TCERG1L: variants seen among roughly 807,000 people sequenced by gnomAD.
TCERG1L encodes the protein transcription elongation regulator 1-like protein.
TCERG1L carries 37 observed loss-of-function variants against 56.3 expected under a neutral mutation model. That is an observed-to-expected ratio of 0.66 (90% confidence interval 0.51 to 0.87). The LOEUF is 0.87. Ranked by LOEUF, TCERG1L falls within the 40% of genes least tolerant of loss-of-function variation. The pLI is 0.00. For missense variants in TCERG1L, 799 were observed against 774.2 expected (o/e 1.03, Z -0.38); for synonymous variants, 324 against 326.3 (o/e 0.99, Z 0.08).
chr10:131,198,302 G>T (rs143610882), intron 4 of TCERG1L, among the ~76,000 whole-genome samples: 1 of 152,224 alleles, frequency 6.6e-6, no homozygotes, highest in Non-Finnish European at 1.5e-5. Flanking sequence ...AACTTGGGAG[G>T]AATTTCCCAG....
At chr10:131,096,347 G>C (rs555251542) in intron 11 of TCERG1L, among the ~76,000 whole-genome samples, 1 of 152,214 alleles carries the variant, frequency 6.6e-6, no homozygotes. Flanking sequence ...GCATTCTCAT[G>C]ACTGCTTTAA....
intron 4 of TCERG1L, among the ~76,000 whole-genome samples, chr10:131,179,600 T>C (rs1053078099): frequency 3.9e-5 from 6 of 152,240 alleles, no homozygotes; most frequent in Admixed American, 3.3e-4. Context: ...CACAAAGCCA[T>C]TCCTACTGAC....
chr10:131,299,004 T>C (rs1016287295), intron 3 of TCERG1L, among the ~76,000 whole-genome samples: 2 of 152,218 alleles, frequency 1.3e-5, no homozygotes, highest in South Asian at 2.1e-4. Flanking sequence ...GTGTTTTCAA[T>C]TGTGAATTTC....
intron 4 of TCERG1L, among the ~76,000 whole-genome samples, chr10:131,210,889 C>T (rs1442778615): frequency 6.6e-6 from 1 of 152,230 alleles, no homozygotes; most frequent in Admixed American, 6.5e-5. Context: ...TGGCAAGCCA[C>T]CGAAACAGCA....
chr10:131,185,857 T>C (rs188175826), intron 4 of TCERG1L, among the ~76,000 whole-genome samples: 1 of 152,294 alleles, frequency 6.6e-6, no homozygotes, highest in East Asian at 1.9e-4. Context: ...CACTCCTAGA[T>C]CTATACCCAA....
intron 4 of TCERG1L, among the ~76,000 whole-genome samples, chr10:131,248,847 G>A (rs1433970097): frequency 2.0e-5 from 3 of 152,166 alleles, no homozygotes; most frequent in Non-Finnish European, 4.4e-5. Flanking sequence ...CCCCCCAACC[G>A]GTGCTCGCAT....
At chr10:131,238,957 T>TCCTGCCTC (rs551184802) in intron 4 of TCERG1L, among the ~76,000 whole-genome samples, 3 of 152,198 alleles carry the variant, frequency 2.0e-5, no homozygotes, top group African/African-American at 7.2e-5. Flanking sequence ...CCTGCTGCTC[T>TCCTGCCTC]CCTGCCTCCC....
chr10:131,201,059 T>G (rs548045399), intron 4 of TCERG1L, among the ~76,000 whole-genome samples: 42 of 152,292 alleles, frequency 2.8e-4, no homozygotes, highest in Non-Finnish European at 5.3e-4. Context: ...TCTCATGACC[T>G]GTTAAAGGCC....
At chr10:131,151,313 C>G (rs1162441752) in intron 6 of TCERG1L, among the ~76,000 whole-genome samples, 1 of 152,164 alleles carries the variant, frequency 6.6e-6, no homozygotes, top group East Asian at 1.9e-4. Context: ...TTAGTTACTT[C>G]CAAGACACAA....
chr10:131,239,005 A>C (rs1015221941), intron 4 of TCERG1L, among the ~76,000 whole-genome samples: 2 of 152,188 alleles, frequency 1.3e-5, no homozygotes, highest in Non-Finnish European at 2.9e-5. Context: ...CTCCGAGAAC[A>C]TAAAAGCCAA....
chr10:131,260,383 G>A lies in TCERG1L; in HGVS notation c.732C>T (p.Ala244=), dbSNP rs574125690. Residue 244 remains alanine (A), a synonymous_variant, in exon 4 of 12, where the codon GCC becomes GCT. Coordinates refer to ENST00000368642, the MANE Select transcript of TCERG1L (RefSeq NM_174937.4). The surrounding 1 kb of genome is among the most constrained non-coding windows in gnomAD (Gnocchi z 5.8). Reference sequence around the variant, plus strand: ...GGTCCACGGAGACCATGGCAGCGGCGGCGGCGGTGGCGATGGCAATGGCGG... The same window carrying A: ...GGTCCACGGAGACCATGGCAGCGGCAGCGGCGGTGGCGATGGCAATGGCGG... The part of the protein sequence containing the change: ...SSPAIAIATA[A]AAAMVSVDPE... 15 of 1,488,668 alleles carry A rather than the reference G, an allele frequency of 1.0e-5. No individual in the cohort carries two copies. Among genetic ancestry groups the A allele is most frequent in the South Asian group, 2.9e-5 (2 of 69,978 alleles). 92.2% of individuals were successfully genotyped at this position (1,488,668 alleles called of 1,614,324 possible). A position where few individuals can be genotyped will look rare whatever the true frequency, so the allele number is the denominator to read the frequency against.
chr10:131,198,340 A>G (rs1845389808), intron 4 of TCERG1L, among the ~76,000 whole-genome samples: 1 of 152,194 alleles, frequency 6.6e-6, no homozygotes, highest in Non-Finnish European at 1.5e-5. Flanking sequence ...CACGCTTCAA[A>G]CCAGGTCCCC....
At chr10:131,096,101 C>T (rs11017715) in intron 11 of TCERG1L, among the ~76,000 whole-genome samples, 40,197 of 152,126 alleles carry the variant, frequency 0.26, 5,734 homozygotes, top group Middle Eastern at 0.35. Context: ...CAACTCCTCA[C>T]GCCATCCTCC....
chr10:131,206,732 G>A (rs922230963), intron 4 of TCERG1L, among the ~76,000 whole-genome samples: 4 of 152,190 alleles, frequency 2.6e-5, no homozygotes, highest in Non-Finnish European at 5.9e-5. Context: ...GTGAAATAGT[G>A]GCTGGGGCAG....
intron 4 of TCERG1L, among the ~76,000 whole-genome samples, chr10:131,218,022 C>A (rs1333647659): frequency 6.6e-6 from 1 of 152,176 alleles, no homozygotes; most frequent in African/African-American, 2.4e-5. Flanking sequence ...ACGCACCCGG[C>A]TGTAGCTGGC....
intron 9 of TCERG1L, 25 bp downstream of exon 9, chr10:131,116,774 C>G (rs926793767): frequency 3.2e-6 from 5 of 1,547,670 alleles, no homozygotes; most frequent in Non-Finnish European, 4.4e-6. Context: ...CGTAGGAGTG[C>G]AGCCCCTCAG....
rs551588060 is a variant in TCERG1L at position 131,152,463 on chromosome 10, T to C, written c.1035-5803A>G. ...ACTTCATTGTCTATATCACTGTCTA[T>C]GTTTTGGTCAAAGCCATTCAACAAG... On this transcript the variant is annotated intron_variant, in intron 6 of 11. Coordinates refer to ENST00000368642, the MANE Select transcript of TCERG1L (RefSeq NM_174937.4). Among the ~76,000 whole-genome samples the C allele has an allele frequency of 7.7e-4, 117 of 152,224 alleles. 1 individual carries two copies. The highest frequency in any genetic ancestry group is 9.0e-4 in the Non-Finnish European group (61 of 68,040).
chr10:131,150,779 A>G (rs572595700), intron 6 of TCERG1L, among the ~76,000 whole-genome samples: 13 of 152,336 alleles, frequency 8.5e-5, no homozygotes, highest in African/African-American at 3.1e-4. Flanking sequence ...GTATGAGTCC[A>G]TTCTCACATT....
chr10:131,201,342 C>T (rs1037054509), intron 4 of TCERG1L, among the ~76,000 whole-genome samples: 8 of 152,304 alleles, frequency 5.3e-5, no homozygotes, highest in East Asian at 3.9e-4. Context: ...GAGAGGGTCA[C>T]GCTGGGAACA....
Sources: gnomAD v4.1 joint callset for allele counts (sites outside exome capture counted in the v4.1 genomes callset) on GRCh38, gnomAD v4.1.1 for gene constraint, Gnocchi (gnomAD v3.1) non-coding constraint, MANE v1.5 for transcripts, NCBI Gene and HGNC (gene_info 2026-07-23, HGNC 2026-07-21) for gene names.